SEC23B: variants seen among roughly 807,000 people sequenced by gnomAD.
SEC23B encodes SEC23 homolog B, COPII component, also known as protein transport protein Sec23B.
A neutral mutation model predicts 104.3 loss-of-function variants in SEC23B; 77 were observed. The observed-to-expected ratio is 0.74, with a 90% confidence interval of 0.61 to 0.89. The LOEUF is 0.89. Among genes scored for constraint, SEC23B ranks in the 40% least tolerant of loss-of-function variants. SEC23B has a pLI of 0.00. For synonymous variants in SEC23B, 338 were observed against 332.5 expected (o/e 1.02, Z -0.18); for missense variants, 885 against 949.4 (o/e 0.93, Z 0.89).
chr20:18,550,066 A>G (rs575053743), intron 16 of SEC23B, among the ~76,000 whole-genome samples: 5 of 148,126 alleles, frequency 3.4e-5, no homozygotes, highest in African/African-American at 1.2e-4. Flanking sequence ...TATAAGAACT[A>G]TGTATATAAA....
Position 18,551,123 on chromosome 20 carries a change from A to T in SEC23B, c.1940A>T (p.Asp647Val). The change falls in exon 17 of 20, where the codon GAC becomes GTC. Residue 647 changes from aspartate (D) to valine (V), a missense_variant. Coordinates refer to ENST00000650089, the MANE Select transcript of SEC23B (RefSeq NM_006363.6). ...TTGGATAGCAGCAGCATTCTAGCTG[A>T]CAGAATTTTGCTGATGGATACTTTC... ...VLLDSSSILA[D>V]RILLMDTFFQ... 6.2e-7 allele frequency: 1 copy of T among 1,607,832 alleles called. No individual in the cohort carries two copies.
rs185727234 is a variant in SEC23B at position 18,530,325 on chromosome 20, C to T, written c.1110-355C>T. Among the ~76,000 whole-genome samples the T allele has an allele frequency of 5.1e-3, 771 of 151,754 alleles. 6 individuals are homozygous for T. The highest frequency in any genetic ancestry group is 0.018 in the African/African-American group (729 of 41,388). ...GGAGTGCAGTGGTCCGATCTTGGTTCGCTGCAACCTCTGCCTCCTGGGTTC... is the reference window on the plus strand; with the variant it reads ...GGAGTGCAGTGGTCCGATCTTGGTTTGCTGCAACCTCTGCCTCCTGGGTTC... On this transcript the variant is annotated intron_variant, in intron 9 of 19. Transcript: ENST00000650089.
intron 13 of SEC23B, 44 bp downstream of exon 13, chr20:18,542,446 T>C: frequency 6.6e-7 from 1 of 1,505,810 alleles, no homozygotes; most frequent in Non-Finnish European, 9.2e-7. Context: ...CTGACTGACA[T>C]TTTTCCCTTG....
At chr20:18,537,367 T>A (rs2060241647) in intron 12 of SEC23B, among the ~76,000 whole-genome samples, 1 of 151,842 alleles carries the variant, frequency 6.6e-6, no homozygotes, top group East Asian at 1.9e-4. Flanking sequence ...TAGACTGGAT[T>A]AAGAAAATGT....
chr20:18,512,189 A>T, intron 2 of SEC23B, 36 bp from the exon 3 acceptor site: 4 of 1,284,844 alleles, frequency 3.1e-6, no homozygotes, highest in Non-Finnish European at 4.4e-6. Flanking sequence ...TAAAAATAAA[A>T]GTGGTACCTA....
intron 17 of SEC23B, among the ~76,000 whole-genome samples, chr20:18,552,579 C>T (rs1386066845): frequency 1.3e-5 from 2 of 152,118 alleles, no homozygotes; most frequent in Non-Finnish European, 2.9e-5. Context: ...GTTGGGAGGC[C>T]GAGGTGGGCG....
intron 16 of SEC23B, among the ~76,000 whole-genome samples, chr20:18,549,588 GA>G (rs1357264654): frequency 6.6e-6 from 1 of 151,538 alleles, no homozygotes; most frequent in Admixed American, 6.6e-5. Context: ...AATGTTACAT[GA>G]AAAAAAGTCA....
chr20:18,532,649 A>G lies in SEC23B; in HGVS notation c.1234-15A>G. 6.3e-7 allele frequency: 1 copy of G among 1,591,454 alleles called. No individual in the cohort carries two copies. On this transcript the variant is annotated splice_polypyrimidine_tract_variant and intron_variant, in intron 10 of 19. Transcript: ENST00000650089. ...AAGTGATCTTTAACTTTACACTGTC[A>G]CATATTTGTTATAGACCTCTCGGGA...
At chr20:18,551,743 T>TAG (rs34425049) in intron 17 of SEC23B, among the ~76,000 whole-genome samples, 52 of 149,478 alleles carry the variant, frequency 3.5e-4, no homozygotes, top group Middle Eastern at 3.4e-3. Flanking sequence ...TAATAATATA[T>TAG]GCTGTAAAAA....
chr20:18,526,463 A>T lies in SEC23B; in HGVS notation c.925A>T (p.Lys309Ter). The T allele has an allele frequency of 6.2e-7, 1 of 1,614,226 alleles. No individual in the cohort carries two copies. Among genetic ancestry groups the T allele is most frequent in the Non-Finnish European group, 8.5e-7 (1 of 1,180,036 alleles). Residue 309 changes from lysine to a stop codon, truncating the protein, a stop_gained, in exon 8 of 20, where the codon AAG becomes TAG. Coordinates refer to ENST00000650089, the MANE Select transcript of SEC23B (RefSeq NM_006363.6). LOFTEE classifies it high-confidence loss of function. Reference protein sequence around the residue: ...GPGMVVGDELKIPIRSWHDIE... With the variant: ...GPGMVVGDEL The stretch of plus-strand genomic sequence containing the variant: ...TGGCATGGTGGTTGGAGATGAATTA[A>T]AGATTCCTATTCGTTCTTGGCATGA...
intron 4 of SEC23B, among the ~76,000 whole-genome samples, chr20:18,517,400 AG>A (rs2060039438): frequency 6.6e-6 from 1 of 152,182 alleles, no homozygotes. Flanking sequence ...TTGATCAGTT[AG>A]GGTGGGGCAG....
chr20:18,526,050 CAGAA>C, intron 7 of SEC23B, 118 bp downstream of exon 7: 1 of 1,232,208 alleles, frequency 8.1e-7, no homozygotes, highest in Non-Finnish European at 1.2e-6. Context: ...GTTAATGTAT[CAGAA>C]AGCATTTGAG....
intron 1 of SEC23B, among the ~76,000 whole-genome samples, chr20:18,509,021 G>A (rs935078698): frequency 1.3e-5 from 2 of 152,172 alleles, no homozygotes; most frequent in African/African-American, 2.4e-5. Context: ...GCGCCCGGCC[G>A]CCAGTGCCTT....
chr20:18,560,826 T>C lies in SEC23B; in HGVS notation c.*86T>C. Reference sequence around the variant, plus strand: ...CTTGATAACATTCCTGTTACTTTTCTAGCAGATTTTAACAAATAATCAAGG... The same window carrying C: ...CTTGATAACATTCCTGTTACTTTTCCAGCAGATTTTAACAAATAATCAAGG... On this transcript the variant is annotated 3_prime_UTR_variant, in exon 20 of 20. Transcript: ENST00000650089. 1.0e-6 allele frequency: 1 copy of C among 977,598 alleles called. No homozygotes were observed. Among genetic ancestry groups the C allele is most frequent in the Non-Finnish European group, 1.7e-6 (1 of 601,648 alleles). The allele number at this position is 977,598 out of a possible 1,614,324, so 60.6% of individuals were successfully genotyped here.
intron 4 of SEC23B, chr20:18,516,125 C>T (rs2148889300): frequency 4.2e-6 from 1 of 238,076 alleles, no homozygotes; most frequent in African/African-American, 2.3e-5. Flanking sequence ...CACCCACTTC[C>T]CCCTCCCTAC....
At chr20:18,535,809 T>A in intron 12 of SEC23B, 67 bp downstream of exon 12, 16 of 1,209,728 alleles carry the variant, frequency 1.3e-5, no homozygotes, top group East Asian at 2.3e-5. Context: ...CTCAAACCAG[T>A]GGTCTCTGGT....
chr20:18,521,153 C>T (rs1253997670), intron 4 of SEC23B, among the ~76,000 whole-genome samples: 1 of 152,124 alleles, frequency 6.6e-6, no homozygotes, highest in Non-Finnish European at 1.5e-5. Flanking sequence ...TGGGGTTTGT[C>T]TCACAGTGGA....
chr20:18,544,589 G>C (rs1016149345), intron 14 of SEC23B, among the ~76,000 whole-genome samples: 1 of 152,222 alleles, frequency 6.6e-6, no homozygotes, highest in Non-Finnish European at 1.5e-5. Flanking sequence ...GGGGAACAGA[G>C]TCAGGGAAGG....
intron 4 of SEC23B, among the ~76,000 whole-genome samples, chr20:18,517,553 T>C (rs1600231126): frequency 6.6e-6 from 1 of 152,196 alleles, no homozygotes; most frequent in South Asian, 2.1e-4. Flanking sequence ...GGCCTGACAT[T>C]CCTGTGTTGT....
Sources: gnomAD v4.1 joint callset for allele counts (sites outside exome capture counted in the v4.1 genomes callset) on GRCh38, gnomAD v4.1.1 for gene constraint, MANE v1.5 for transcripts, NCBI Gene and HGNC (gene_info 2026-07-23, HGNC 2026-07-21) for gene names.